The following CDH7 variants were observed in gnomAD, a reference collection of about 807,000 sequenced individuals.
The protein encoded by CDH7 is cadherin 7.
CDH7 carries 25 observed loss-of-function variants against 71.8 expected under a neutral mutation model. That is an observed-to-expected ratio of 0.35 (90% CI 0.25 to 0.49). The LOEUF (loss-of-function observed/expected upper bound fraction) is 0.49. Ranked by LOEUF, CDH7 falls within the 20% of genes least tolerant of loss-of-function variation. CDH7 has a pLI of 0.99. For missense variants in CDH7, 862 were observed against 974.6 expected, an observed-to-expected ratio of 0.88 and a Z score of 1.54; for synonymous variants, 381 against 363.8, an observed-to-expected ratio of 1.05 and a Z score of -0.54.
At chr18:65,797,682 G>A (rs1910966692) in intron 2 of CDH7, among the ~76,000 whole-genome samples, 1 of 152,128 alleles carries the variant, frequency 6.6e-6, no homozygotes, top group Non-Finnish European at 1.5e-5. Context: ...AAGCATTAGT[G>A]TTCTGAAATT....
intron 2 of CDH7, among the ~76,000 whole-genome samples, chr18:65,772,781 C>G (rs1454554917): frequency 4.6e-5 from 7 of 152,068 alleles, no homozygotes; most frequent in African/African-American, 1.4e-4. Flanking sequence ...AGCTTTATTA[C>G]AAAGGCTAAG....
At chr18:65,772,647 A>G (rs1328862729) in intron 2 of CDH7, among the ~76,000 whole-genome samples, 1 of 152,202 alleles carries the variant, frequency 6.6e-6, no homozygotes, top group African/African-American at 2.4e-5. Flanking sequence ...TAGAGTCTGT[A>G]ATATGGTATA....
intron 1 of CDH7, among the ~76,000 whole-genome samples, chr18:65,754,541 T>A (rs1277660937): frequency 2.0e-5 from 3 of 152,226 alleles, no homozygotes; most frequent in Non-Finnish European, 2.9e-5. Context: ...GAATGTGATG[T>A]TAAACTTTAA....
At chr18:65,803,070 A>G (rs1911183781) in intron 2 of CDH7, 1 of 152,150 alleles carries the variant, frequency 6.6e-6, no homozygotes, top group African/African-American at 2.4e-5. Flanking sequence ...GCATCTTTTT[A>G]TTTTATCCTC....
At chr18:65,853,970 A>T (rs1236204627) in intron 7 of CDH7, among the ~76,000 whole-genome samples, 1 of 126,898 alleles carries the variant, frequency 7.9e-6, no homozygotes, top group South Asian at 2.5e-4. Flanking sequence ...ATTTAGTGAG[A>T]TCTAAGTGGG....
chr18:65,862,910 A>G lies in CDH7; in HGVS notation c.1857A>G (p.Thr619=), dbSNP rs984062810. The G allele has an allele frequency of 2.5e-6, 4 of 1,614,082 alleles. No homozygotes were observed. The highest frequency in any genetic ancestry group is 3.4e-6 in the Non-Finnish European group (4 of 1,179,982). ...ALIAILACVL[T]LLVLILLIVT... ...TAGCCATACTCGCCTGTGTCTTGAC[A>G]TTATTGGGTAGGTACTGTTTCCAGG... The change falls in exon 11 of 12, where the codon ACA becomes ACG. Residue 619 remains threonine, a synonymous_variant. Transcript: ENST00000397968.
chr18:65,805,019 T>G (rs149799205), intron 2 of CDH7, among the ~76,000 whole-genome samples: 1 of 152,046 alleles, frequency 6.6e-6, no homozygotes. Flanking sequence ...GGACAGAAAT[T>G]GAAATAAAAC....
chr18:65,875,552 A>G (rs1451979206), intron 11 of CDH7, among the ~76,000 whole-genome samples: 1 of 152,056 alleles, frequency 6.6e-6, no homozygotes, highest in African/African-American at 2.4e-5. Flanking sequence ...GTTTTGGGAG[A>G]ATGATTCTAT....
chr18:65,792,156 G>T (rs1360865365), intron 2 of CDH7, among the ~76,000 whole-genome samples: 1 of 148,236 alleles, frequency 6.7e-6, no homozygotes, highest in African/African-American at 2.5e-5. Flanking sequence ...TATACTCCAT[G>T]GAGCCCCAGA....
chr18:65,844,490 G>A (rs1912866224), intron 7 of CDH7, among the ~76,000 whole-genome samples: 1 of 151,674 alleles, frequency 6.6e-6, no homozygotes, highest in Non-Finnish European at 1.5e-5. Context: ...ATTGATATTG[G>A]TCTACTTGAA....
intron 5 of CDH7, among the ~76,000 whole-genome samples, 165 bp downstream of exon 5, chr18:65,822,413 A>C (rs1911968184): frequency 6.6e-6 from 1 of 152,118 alleles, no homozygotes; most frequent in Non-Finnish European, 1.5e-5. Context: ...ATTCAGGAAT[A>C]TGGATTATAA....
rs1012287951 is a variant in CDH7 at position 65,887,838 on chromosome 18, C to T, written c.*6944C>T. 7.2e-5 allele frequency: 11 copies of T among 151,898 alleles called. No individual in the cohort carries two copies. Among genetic ancestry groups the T allele is most frequent in the African/African-American group, 1.9e-4 (8 of 41,368 alleles). 9.4% of individuals were successfully genotyped at this position (151,898 alleles called of 1,614,324 possible). ...ATTTTTTTTCTCAAATTTAGAGGAA[C>T]GAACAATTCACATTAGTAAAACACA... On this transcript the variant is annotated 3_prime_UTR_variant, in exon 12 of 12. Coordinates refer to ENST00000397968, the MANE Select transcript of CDH7 (RefSeq NM_004361.5).
chr18:65,808,318 T>C (rs1911399068), intron 2 of CDH7, among the ~76,000 whole-genome samples: 1 of 152,176 alleles, frequency 6.6e-6, no homozygotes, highest in Non-Finnish European at 1.5e-5. Flanking sequence ...TATTATAAAT[T>C]AGAGGGAGAT....
At chr18:65,796,518 G>C (rs1910922033) in intron 2 of CDH7, among the ~76,000 whole-genome samples, 1 of 152,102 alleles carries the variant, frequency 6.6e-6, no homozygotes, top group Admixed American at 6.5e-5. Context: ...CATATTTATT[G>C]ACTGTGTTAA....
intron 3 of CDH7, among the ~76,000 whole-genome samples, chr18:65,814,138 G>A (rs17075242): frequency 0.016 from 2,439 of 152,170 alleles, 54 homozygotes; most frequent in African/African-American, 0.055. Flanking sequence ...TATAGAAGCT[G>A]CTCTTGATGA....
At chr18:65,875,666 C>A (rs1914052996) in intron 11 of CDH7, among the ~76,000 whole-genome samples, 1 of 152,162 alleles carries the variant, frequency 6.6e-6, no homozygotes, top group South Asian at 2.1e-4. Context: ...GCAGGAGGAT[C>A]ACTTGAGCTT....
In CDH7 at chr18:65,880,638, T is replaced by C; in HGVS notation, c.2102T>C (p.Ile701Thr). 6.2e-7 allele frequency: 1 copy of C among 1,614,030 alleles called. No homozygotes were observed. The highest frequency in any genetic ancestry group is 8.5e-7 in the Non-Finnish European group (1 of 1,179,990). Residue 701 changes from isoleucine to threonine, a missense_variant, in exon 12 of 12, where the codon ATC becomes ACC. Physicochemically the swap from Ile to Thr is moderately conservative, Grantham distance 89. Coordinates refer to ENST00000397968, the MANE Select transcript of CDH7 (RefSeq NM_004361.5). Reference sequence around the variant, plus strand: ...CTGAGTCGACCAGCTTTTAAAAGCATCCCAGATAATGTCATCTTTAGGGAA... The same window carrying C: ...CTGAGTCGACCAGCTTTTAAAAGCACCCCAGATAATGTCATCTTTAGGGAA... ...QFLSRPAFKS[I>T]PDNVIFREFI...
intron 1 of CDH7, among the ~76,000 whole-genome samples, chr18:65,754,402 T>G (rs1215269546): frequency 2.0e-5 from 3 of 152,184 alleles, no homozygotes; most frequent in Non-Finnish European, 4.4e-5. Context: ...AGCTAATGGA[T>G]TTGATCGCAG....
chr18:65,786,676 C>G (rs552999516), intron 2 of CDH7, among the ~76,000 whole-genome samples: 2 of 152,114 alleles, frequency 1.3e-5, no homozygotes, highest in South Asian at 2.1e-4. Flanking sequence ...TTCTTTTTCT[C>G]TCTCTCTCTT....
Sources: allele counts gnomAD v4.1 joint callset (sites outside exome capture counted in the v4.1 genomes callset), GRCh38; gene constraint gnomAD v4.1.1; transcripts MANE v1.5; gene names NCBI Gene and HGNC (gene_info 2026-07-23, HGNC 2026-07-21).